CELSR1: variants seen among roughly 807,000 people sequenced by gnomAD.
The protein encoded by CELSR1 is adhesion G protein-coupled receptor C1.
In CELSR1, 110 loss-of-function variants were observed where a neutral mutation model predicts 249.1. The observed-to-expected ratio is 0.44, with a 90% CI of 0.38 to 0.52. The LOEUF (loss-of-function observed/expected upper bound fraction) is 0.52, where lower values mean the gene tolerates loss of function less well. Ranked by LOEUF, CELSR1 falls within the 20% of genes least tolerant of loss-of-function variation. CELSR1 has a pLI of 0.00. For synonymous variants in CELSR1, 2,113 were observed against 1,900.0 expected, an observed-to-expected ratio of 1.11 and a Z score of -2.92; for missense variants, 4,109 against 4,296.4, an observed-to-expected ratio of 0.96 and a Z score of 1.22.
At chr22:46,426,436 G>A (rs1042643580) in intron 5 of CELSR1, among the ~76,000 whole-genome samples, 3 of 152,192 alleles carry the variant, frequency 2.0e-5, no homozygotes, top group Middle Eastern at 3.4e-3. Flanking sequence ...GCAAGGGTTC[G>A]CCACCCGGTT....
intron 27 of CELSR1, 92 bp downstream of exon 27, chr22:46,369,087 C>T (rs745513939): frequency 1.1e-5 from 13 of 1,194,880 alleles, no homozygotes; most frequent in East Asian, 4.7e-5. Flanking sequence ...GAGGCCTACA[C>T]GCTCTCATGG....
At chr22:46,369,338 C>T (rs1602027985) in intron 26 of CELSR1, 80 bp from the exon 27 acceptor site, 9 of 1,263,768 alleles carry the variant, frequency 7.1e-6, no homozygotes, top group African/African-American at 3.0e-5. Context: ...TGAGGCCCTT[C>T]GCCCTGTCAG....
rs370997784 is a variant in CELSR1, at chr22:46,390,057, G to A, written c.6345+335C>T. On this transcript the variant is annotated intron_variant, in intron 17 of 34. Transcript: ENST00000674500. The surrounding 1 kb of genome is among the most constrained non-coding windows in gnomAD (Gnocchi z 6.3). Reference sequence around the variant, plus strand: ...CAAAGAGGGCTCAGAGAAAGATAGCGAGTGGGAGACGTGGGAACAAAAGCC... The same window carrying A: ...CAAAGAGGGCTCAGAGAAAGATAGCAAGTGGGAGACGTGGGAACAAAAGCC... 1.3e-5 allele frequency among the ~76,000 whole-genome samples: 2 copies of A among 152,232 alleles called. No homozygotes were observed. The highest frequency in any genetic ancestry group is 2.9e-5 in the Non-Finnish European group (2 of 68,050).
At chr22:46,487,531 C>T (rs1427504549) in intron 1 of CELSR1, among the ~76,000 whole-genome samples, 5 of 83,230 alleles carry the variant, frequency 6.0e-5, no homozygotes, top group South Asian at 4.7e-4. Flanking sequence ...GTGAGCCCCA[C>T]GGGGGAGGGG....
chr22:46,365,513 G>T, intron 31 of CELSR1, 73 bp downstream of exon 31: 1 of 1,536,920 alleles, frequency 6.5e-7, no homozygotes, highest in Non-Finnish European at 8.8e-7. Context: ...TTCTTCAGGG[G>T]CAGTCTGTCC....
In CELSR1 at chr22:46,410,345, C is replaced by T. The variant is rs1046509294; in HGVS notation, c.4933+53G>A. On this transcript the variant is annotated intron_variant, in intron 7 of 34. Transcript: ENST00000674500. The surrounding 1 kb of genome is among the most constrained non-coding windows in gnomAD (Gnocchi z 6.8). ...GCAGTGACCTCTGTGTGGCTGCCGACGTCCAGCCAGATGCCACTGCGGCAG... is the reference window on the plus strand; with the variant it reads ...GCAGTGACCTCTGTGTGGCTGCCGATGTCCAGCCAGATGCCACTGCGGCAG... 8 of 1,590,678 alleles carry T rather than the reference C, an allele frequency of 5.0e-6. No individual in the cohort carries two copies. The highest frequency in any genetic ancestry group is 2.2e-5 in the South Asian group (2 of 90,060).
chr22:46,423,264 A>T lies in CELSR1; in HGVS notation c.4611+10129T>A, dbSNP rs968110344. Among the ~76,000 whole-genome samples the T allele has an allele frequency of 6.6e-6, 1 of 152,248 alleles. No homozygotes were observed. The highest frequency in any genetic ancestry group is 1.5e-5 in the Non-Finnish European group (1 of 68,044). ...CCCTGGCTGAATCGCATAGACCAGA[A>T]GAACCAGCAGCCAAACCACTGCATC... On this transcript the variant is annotated intron_variant, in intron 5 of 34. Transcript: ENST00000674500. This position sits in a 1 kb window ranked among gnomAD's most constrained non-coding sequence, Gnocchi z 5.6.
intron 5 of CELSR1, among the ~76,000 whole-genome samples, chr22:46,416,663 G>A (rs922576361): frequency 6.6e-6 from 1 of 152,198 alleles, no homozygotes; most frequent in Admixed American, 6.5e-5. Context: ...GTGCCGCTGA[G>A]CACTGCAAGG....
chr22:46,483,396 T>TTTC (rs2080285726), intron 1 of CELSR1, among the ~76,000 whole-genome samples: 1 of 139,720 alleles, frequency 7.2e-6, no homozygotes. Flanking sequence ...TTTTTTTTTT[T>TTTC]TTTTTTTTTT....
chr22:46,380,759 T>TCA lies in CELSR1; in HGVS notation c.7256+27_7256+28dup. On this transcript the variant is annotated intron_variant, in intron 22 of 34. Transcript: ENST00000674500. This position sits in a 1 kb window ranked among gnomAD's most constrained non-coding sequence, Gnocchi z 5.1. The stretch of plus-strand genomic sequence containing the variant: ...GGGGCACTCTGCCTTGGCAAAGCCC[T>TCA]CACATGGGGCTCCTGGCGTCACACT... The TCA allele has an allele frequency of 6.2e-7, 1 of 1,604,720 alleles. No individual in the cohort carries two copies. The highest frequency in any genetic ancestry group is 1.7e-4 in the Middle Eastern group (1 of 6,032).
At chr22:46,470,372 C>T (rs2080143935) in intron 1 of CELSR1, among the ~76,000 whole-genome samples, 1 of 151,788 alleles carries the variant, frequency 6.6e-6, no homozygotes, top group South Asian at 2.1e-4. Context: ...TACTCTGACC[C>T]CCACAAGTTG....
In CELSR1 at chr22:46,389,360, T is replaced by C. The variant is rs966610050; in HGVS notation, c.6485A>G (p.His2162Arg). 1.2e-6 allele frequency: 2 copies of C among 1,610,974 alleles called. No individual in the cohort carries two copies. Among genetic ancestry groups the C allele is most frequent in the African/African-American group, 2.7e-5 (2 of 74,936 alleles). Reference protein sequence around the residue: ...DVRTAYQLLGHVLQHESWQQG... With the variant: ...DVRTAYQLLGRVLQHESWQQG... ...CTGCCAGCTCTCGTGCTGAAGGACG[T>C]GGCCCAGCAGCTGGTAGGCCGTGCG... Residue 2162 changes from histidine (H) to arginine (R), a missense_variant, in exon 18 of 35, where the codon CAC (histidine) becomes CGC (arginine). This residue lies in a region of CELSR1 where 1,805 missense variants were observed against 1,831.6 expected (regional missense o/e 0.99). Coordinates refer to ENST00000674500, the MANE Select transcript of CELSR1 (RefSeq NM_001378328.1).
In CELSR1 at chr22:46,427,254, G is replaced by A. The variant is rs1255980455; in HGVS notation, c.4611+6139C>T. 3.3e-5 allele frequency among the ~76,000 whole-genome samples: 5 copies of A among 152,250 alleles called. No individual in the cohort carries two copies. Among genetic ancestry groups the A allele is most frequent in the East Asian group, 1.9e-4 (1 of 5,184 alleles). On this transcript the variant is annotated intron_variant, in intron 5 of 34. Coordinates refer to ENST00000674500, the MANE Select transcript of CELSR1 (RefSeq NM_001378328.1). This position sits in a 1 kb window ranked among gnomAD's most constrained non-coding sequence, Gnocchi z 4.2. The stretch of plus-strand genomic sequence containing the variant: ...ACCCTCCACTAAAAGAACCAGGCTC[G>A]GCCAGGTGCAGTGGCTTATGCCTGT...
chr22:46,536,088 G>A lies in CELSR1; in HGVS notation c.1083C>T (p.Arg361=). 1 of 1,611,886 alleles carries A rather than the reference G, an allele frequency of 6.2e-7. No homozygotes were observed. Among genetic ancestry groups the A allele is most frequent in the Non-Finnish European group, 8.5e-7 (1 of 1,179,984 alleles). ...AGCCCACCTCCAGGTTCTCCCGCACGCGCTCGCGGTACTCCGACTGCTCGA... is the reference window on the plus strand; with the variant it reads ...AGCCCACCTCCAGGTTCTCCCGCACACGCTCGCGGTACTCCGACTGCTCGA... ...PVFEQSEYRE[R]VRENLEVGYE... is the part of the protein sequence containing the mutation. Residue 361 remains arginine (R), a synonymous_variant, in exon 1 of 35, where the codon CGC becomes CGT. Transcript: ENST00000674500.
chr22:46,442,213 C>G (rs559976891), intron 2 of CELSR1, among the ~76,000 whole-genome samples: 1 of 152,244 alleles, frequency 6.6e-6, no homozygotes, highest in African/African-American at 2.4e-5. Context: ...GTATACCCCC[C>G]ACCCTTCCCC....
chr22:46,369,546 G>A (rs1442456716), intron 26 of CELSR1, 146 bp downstream of exon 26: 2 of 692,820 alleles, frequency 2.9e-6, no homozygotes, highest in Non-Finnish European at 4.9e-6. Flanking sequence ...GGAGGGCCCT[G>A]GCGGCTTTGC....
intron 1 of CELSR1, among the ~76,000 whole-genome samples, chr22:46,516,978 G>A (rs1230816966): frequency 2.6e-5 from 4 of 152,162 alleles, no homozygotes; most frequent in South Asian, 2.1e-4. Flanking sequence ...TGCCCTTTTC[G>A]TGTTTTAAAG....
intron 2 of CELSR1, among the ~76,000 whole-genome samples, chr22:46,458,278 C>G (rs1385830038): frequency 6.6e-6 from 1 of 152,158 alleles, no homozygotes; most frequent in African/African-American, 2.4e-5. Flanking sequence ...GGCCCAGTGA[C>G]TGCACTTTAT....
rs898324052 is a variant in CELSR1, at chr22:46,431,451, C to T, written c.4611+1942G>A. ...TGCCTACCCCCTCCCCAGCAACAAA[C>T]GTTCATCTCTGGACTTGGTCTTCTG... On this transcript the variant is annotated intron_variant, in intron 5 of 34. Transcript: ENST00000674500. Among the ~76,000 whole-genome samples, 4 of 152,186 alleles carry T rather than the reference C, an allele frequency of 2.6e-5. No homozygotes were observed. The East Asian group carries it at 5.8e-4, about 22-fold the overall frequency.
Sources: gnomAD v4.1 joint callset for allele counts (sites outside exome capture counted in the v4.1 genomes callset) on GRCh38, gnomAD v4.1.1 for gene constraint, gnomAD v4.1.1 regional missense constraint, Gnocchi (gnomAD v3.1) non-coding constraint, MANE v1.5 for transcripts, NCBI Gene and HGNC (gene_info 2026-07-23, HGNC 2026-07-21) for gene names.